TBC1D5: variants seen among roughly 807,000 people sequenced by gnomAD.
The protein encoded by TBC1D5 is TBC1 domain family, member 5.
Under a neutral mutation model 100.3 loss-of-function variants are expected in TBC1D5, and 75 were observed. That is an observed-to-expected ratio of 0.75 (90% CI 0.62 to 0.91). TBC1D5 has a LOEUF of 0.91. Among genes scored for constraint, TBC1D5 ranks in the 40% least tolerant of loss-of-function variants. TBC1D5 has a pLI of 0.00. For missense variants in TBC1D5, 910 were observed against 942.4 expected, an observed-to-expected ratio of 0.97 and a Z score of 0.45; for synonymous variants, 323 against 325.6, an observed-to-expected ratio of 0.99 and a Z score of 0.09.
intron 18 of TBC1D5, among the ~76,000 whole-genome samples, chr3:17,197,872 A>G (rs2070919530): frequency 6.6e-6 from 1 of 152,134 alleles, no homozygotes; most frequent in Non-Finnish European, 1.5e-5. Flanking sequence ...CCCCATGTCT[A>G]CAAAAAATAC....
chr3:17,234,424 G>A (rs1202728738), intron 17 of TBC1D5, among the ~76,000 whole-genome samples: 1 of 123,654 alleles, frequency 8.1e-6, no homozygotes, highest in Non-Finnish European at 1.8e-5. Context: ...ATAGACAAAG[G>A]AAACAGGAAA....
At chr3:17,675,848 G>C (rs9869999) in intron 1 of TBC1D5, among the ~76,000 whole-genome samples, 1 of 151,932 alleles carries the variant, frequency 6.6e-6, no homozygotes, top group African/African-American at 2.4e-5. Context: ...ATTATTTTAC[G>C]ATTTGGAATG....
intron 1 of TBC1D5, among the ~76,000 whole-genome samples, chr3:17,713,121 T>C (rs1230618107): frequency 1.3e-5 from 2 of 152,238 alleles, no homozygotes; most frequent in Non-Finnish European, 2.9e-5. Flanking sequence ...CGTATTTTTC[T>C]CTGTTTAAGT....
At chr3:17,723,205 ATG>A (rs1242174093) in intron 1 of TBC1D5, among the ~76,000 whole-genome samples, 2 of 152,202 alleles carry the variant, frequency 1.3e-5, no homozygotes, top group East Asian at 1.9e-4. Context: ...CAAAGAATAA[ATG>A]TTTCAGGGGA....
chr3:17,635,364 G>A (rs1253851501), intron 1 of TBC1D5, among the ~76,000 whole-genome samples: 1 of 152,156 alleles, frequency 6.6e-6, no homozygotes, highest in African/African-American at 2.4e-5. Context: ...AAATCACCAA[G>A]GCAATAAATG....
At chr3:17,649,413 C>T (rs139444485) in intron 1 of TBC1D5, among the ~76,000 whole-genome samples, 2 of 152,090 alleles carry the variant, frequency 1.3e-5, no homozygotes, top group African/African-American at 4.8e-5. Context: ...GTACAACAAA[C>T]AACTGTGACA....
intron 2 of TBC1D5, among the ~76,000 whole-genome samples, chr3:17,591,395 T>C (rs540654195): frequency 6.6e-6 from 1 of 151,842 alleles, no homozygotes; most frequent in Non-Finnish European, 1.5e-5. Flanking sequence ...TTACCGACAA[T>C]TTATGCAGTG....
intron 3 of TBC1D5, among the ~76,000 whole-genome samples, chr3:17,468,483 C>T (rs1021713486): frequency 4.6e-5 from 7 of 152,136 alleles, no homozygotes; most frequent in Non-Finnish European, 8.8e-5. Flanking sequence ...TTGCAATATT[C>T]GTTTCTTTTT....
chr3:17,277,148 T>C (rs1253191631), intron 15 of TBC1D5, among the ~76,000 whole-genome samples: 2 of 152,248 alleles, frequency 1.3e-5, no homozygotes, highest in African/African-American at 4.8e-5. Context: ...ACGATCATTA[T>C]AGTAGACATA....
chr3:17,700,278 G>T (rs2072953069), intron 1 of TBC1D5, among the ~76,000 whole-genome samples: 1 of 152,070 alleles, frequency 6.6e-6, no homozygotes, highest in Admixed American at 6.6e-5. Flanking sequence ...CTAGCCATAT[G>T]GAGAAAGCTG....
chr3:17,247,741 C>T (rs1341605084), intron 16 of TBC1D5, among the ~76,000 whole-genome samples: 1 of 152,198 alleles, frequency 6.6e-6, no homozygotes, highest in African/African-American at 2.4e-5. Flanking sequence ...CCTTCAAACC[C>T]TACTGCTGGT....
chr3:17,240,017 A>G (rs2076180522), intron 16 of TBC1D5, among the ~76,000 whole-genome samples: 1 of 152,214 alleles, frequency 6.6e-6, no homozygotes, highest in South Asian at 2.1e-4. Context: ...CTTGATTTTT[A>G]CTATAATTTC....
At chr3:17,193,864 A>G (rs566249858) in intron 18 of TBC1D5, among the ~76,000 whole-genome samples, 57 of 152,370 alleles carry the variant, frequency 3.7e-4, no homozygotes, top group Admixed American at 1.8e-3. Context: ...AAGGTGTTCT[A>G]TAACTATTAG....
At chr3:17,299,631 G>T (rs780763070) in intron 14 of TBC1D5, among the ~76,000 whole-genome samples, 2 of 152,022 alleles carry the variant, frequency 1.3e-5, no homozygotes, top group African/African-American at 2.4e-5. Flanking sequence ...GGGCGAGATG[G>T]GCGGATCACA....
At chr3:17,545,872 C>T (rs963466741) in intron 2 of TBC1D5, among the ~76,000 whole-genome samples, 16 of 152,094 alleles carry the variant, frequency 1.1e-4, no homozygotes, top group Non-Finnish European at 2.1e-4. Flanking sequence ...TTCTTGTCAC[C>T]CTTCCTTTTA....
chr3:17,352,693 A>AAAAAAAC (rs1307088657), intron 13 of TBC1D5, among the ~76,000 whole-genome samples: 51 of 149,314 alleles, frequency 3.4e-4, no homozygotes, highest in Non-Finnish European at 3.6e-4. Context: ...CAAAAAAAAA[A>AAAAAAAC]AAAAAACAAA....
intron 19 of TBC1D5, among the ~76,000 whole-genome samples, chr3:17,181,492 A>G (rs1042658921): frequency 6.6e-6 from 1 of 152,242 alleles, no homozygotes; most frequent in Non-Finnish European, 1.5e-5. Context: ...ATAGATGGAA[A>G]TGTCAAGTAC....
rs1022419649 is a variant in TBC1D5, at chr3:17,344,865, T to C, written c.995+27210A>G. ...GTGCTGGGAAAACTGGCTAGCCATATGTAGAAAGCTGAAACTGGATCCCTT... is the reference window on the plus strand; with the variant it reads ...GTGCTGGGAAAACTGGCTAGCCATACGTAGAAAGCTGAAACTGGATCCCTT... On this transcript the variant is annotated intron_variant, in intron 13 of 21. Coordinates refer to ENST00000253692, the Ensembl canonical transcript of TBC1D5. 2.6e-4 allele frequency among the ~76,000 whole-genome samples: 40 copies of C among 152,286 alleles called. 1 individual carries two copies. The highest frequency in any genetic ancestry group is 1.8e-3 in the Admixed American group (27 of 15,294).
intron 13 of TBC1D5, among the ~76,000 whole-genome samples, chr3:17,315,729 AG>A (rs1393880591): frequency 6.6e-6 from 1 of 152,184 alleles, no homozygotes; most frequent in Non-Finnish European, 1.5e-5. Flanking sequence ...CCCCCAAATG[AG>A]AATAAGCAAA....
Sources: gnomAD v4.1 joint callset for allele counts (sites outside exome capture counted in the v4.1 genomes callset) on GRCh38, gnomAD v4.1.1 for gene constraint, MANE v1.5 for transcripts, NCBI Gene and HGNC (gene_info 2026-07-23, HGNC 2026-07-21) for gene names.